Variants in PCDHGB5 observed in about 807,000 individuals in gnomAD.
PCDHGB5 encodes the protein protocadherin gamma-B5.
Under a neutral mutation model 62.9 loss-of-function variants are expected in PCDHGB5, and 48 were observed. The observed-to-expected ratio is 0.76, with a 90% confidence interval of 0.61 to 0.97. PCDHGB5 has a LOEUF of 0.97. PCDHGB5 is among the 50% of genes least tolerant of loss of function. The probability of loss-of-function intolerance (pLI) is 0.00; values close to 1 mark genes in which losing one functional copy is unlikely to be tolerated. For missense variants in PCDHGB5, 1,118 were observed against 1,198.6 expected (o/e 0.93, Z 0.99); for synonymous variants, 474 against 511.2 (o/e 0.93, Z 0.98).
intron 1 of PCDHGB5, chr5:141,428,729 A>T (rs1362138016): frequency 6.3e-6 from 1 of 159,768 alleles, no homozygotes; most frequent in East Asian, 1.8e-4. Flanking sequence ...AATCTTAAAC[A>T]TATTATATCT....
In PCDHGB5 at chr5:141,485,433, A is replaced by G. The variant is rs2099613324; in HGVS notation, c.2398-9374A>G. On this transcript the variant is annotated intron_variant, in intron 1 of 3. Transcript: ENST00000617380. The surrounding 1 kb of genome is among the most constrained non-coding windows in gnomAD (Gnocchi z 5.7). The stretch of plus-strand genomic sequence containing the variant: ...TTGGACAGCGGAGCCCTGCTCATCA[A>G]GAACCCAATCGACCGAGAGGCACTG... 6 of 1,614,208 alleles carry G rather than the reference A, an allele frequency of 3.7e-6. No homozygotes were observed. Among genetic ancestry groups the G allele is most frequent in the Non-Finnish European group, 5.1e-6 (6 of 1,180,030 alleles).
Position 141,431,581 on chromosome 5 carries a change from T to C in PCDHGB5, c.2397+31057T>C. The C allele has an allele frequency of 1.2e-6, 2 of 1,614,160 alleles. No individual in the cohort carries two copies. Among genetic ancestry groups the C allele is most frequent in the Non-Finnish European group, 1.7e-6 (2 of 1,180,022 alleles). ...CTACCGACCCTGACGAAGGAGTCAA[T>C]GCGGAAGTGAGGTATTCCTTCCGGT... On this transcript the variant is annotated intron_variant, in intron 1 of 3. Transcript: ENST00000617380. This position sits in a 1 kb window ranked among gnomAD's most constrained non-coding sequence, Gnocchi z 4.8.
intron 1 of PCDHGB5, chr5:141,428,270 C>T (rs1353416356): frequency 1.3e-6 from 1 of 778,952 alleles, no homozygotes. Flanking sequence ...AGTCCTGTGC[C>T]CTCTGATTCC....
intron 1 of PCDHGB5, chr5:141,419,181 A>T (rs769321564): frequency 1.9e-6 from 3 of 1,613,858 alleles, no homozygotes; most frequent in Admixed American, 3.3e-5. Flanking sequence ...ATAACCCTGC[A>T]CATTACTGAC....
chr5:141,408,461 A>G, intron 1 of PCDHGB5: 4 of 1,614,044 alleles, frequency 2.5e-6, no homozygotes, highest in Non-Finnish European at 3.4e-6. Context: ...CTTACTTGTG[A>G]AGAACCGAAT....
At chr5:141,445,268 C>A (rs2098461653) in intron 1 of PCDHGB5, among the ~76,000 whole-genome samples, 1 of 152,170 alleles carries the variant, frequency 6.6e-6, no homozygotes, top group Non-Finnish European at 1.5e-5. Flanking sequence ...TAAGTCGAAA[C>A]CACTCTGCAT....
intron 3 of PCDHGB5, among the ~76,000 whole-genome samples, chr5:141,509,776 C>T (rs898626809): frequency 7.2e-5 from 11 of 152,140 alleles, no homozygotes; most frequent in African/African-American, 9.7e-5. Context: ...GTCTAGTCCC[C>T]GAGATCATCA....
intron 1 of PCDHGB5, among the ~76,000 whole-genome samples, chr5:141,479,846 C>A (rs1350909064): frequency 1.3e-5 from 2 of 152,194 alleles, no homozygotes; most frequent in Admixed American, 6.5e-5. Context: ...TGCAAGGTGA[C>A]TGCAAGGCCT....
chr5:141,509,207 A>C (rs1263006059), intron 3 of PCDHGB5, among the ~76,000 whole-genome samples: 2 of 151,694 alleles, frequency 1.3e-5, no homozygotes, highest in Non-Finnish European at 2.9e-5. Context: ...CTGTCTCTCT[A>C]TTTCTCAATC....
At chr5:141,412,814 C>CAT (rs1339609844) in intron 1 of PCDHGB5, among the ~76,000 whole-genome samples, 1 of 152,180 alleles carries the variant, frequency 6.6e-6, no homozygotes, top group Non-Finnish European at 1.5e-5. Context: ...AAGAAACCTA[C>CAT]ATATAGTAAA....
Position 141,399,632 on chromosome 5 carries a change from C to G in PCDHGB5, c.1505C>G (p.Ser502Cys). The G allele has an allele frequency of 6.2e-7, 1 of 1,613,894 alleles. No homozygotes were observed. Among genetic ancestry groups the G allele is most frequent in the Non-Finnish European group, 8.5e-7 (1 of 1,179,890 alleles). The change falls in exon 1 of 4, where the codon TCC becomes TGC. Residue 502 changes from serine (S) to cysteine (C), a missense_variant. By Grantham distance (112) the Ser-to-Cys change is moderately radical (BLOSUM62 -1). Coordinates refer to ENST00000617380, the MANE Select transcript of PCDHGB5 (RefSeq NM_018925.3). ...CCTCTGGCACTGGCCTCTTACGTGT[C>G]CATGAGCGCGCAAAGTGGGGTGGTG... ...LEPLALASYV[S>C]MSAQSGVVFA...
intron 1 of PCDHGB5, chr5:141,404,548 G>C (rs761765539): frequency 1.2e-5 from 20 of 1,613,740 alleles, no homozygotes. Context: ...AAATGCAGGT[G>C]ACGGCAAGTG....
At position 141,508,670 on chromosome 5, in the gene PCDHGB5, C is replaced by A. The variant is rs184838473; in HGVS notation, c.2546-2277C>A. The stretch of plus-strand genomic sequence containing the variant: ...GGCCCTTCCTGTCATTCTGTCTCTG[C>A]CTCCCTTCTCCCTGCTTCTCCGTGT... On this transcript the variant is annotated intron_variant, in intron 3 of 3. Coordinates refer to ENST00000617380, the MANE Select transcript of PCDHGB5 (RefSeq NM_018925.3). Among the ~76,000 whole-genome samples the A allele has an allele frequency of 3.7e-3, 564 of 152,202 alleles. 5 individuals are homozygous for A. The highest frequency in any genetic ancestry group is 0.011 in the Admixed American group (164 of 15,294).
rs2099883627 is a variant in PCDHGB5, at chr5:141,511,136, G to A, written c.2735G>A (p.Gly912Asp). 4.3e-6 allele frequency: 7 copies of A among 1,614,194 alleles called. No homozygotes were observed. The East Asian group carries it at 1.6e-4, about 36-fold the overall frequency. The change falls in exon 4 of 4, where the codon GGC (glycine) becomes GAC (aspartate). Residue 912 changes from glycine (G) to aspartate (D), a missense_variant. Physicochemically the swap from Gly to Asp is moderately conservative, Grantham distance 94. This residue lies in a region of PCDHGB5 where 1,034 missense variants were observed against 1,029.1 expected (regional missense o/e 1.00). Coordinates refer to ENST00000617380, the MANE Select transcript of PCDHGB5 (RefSeq NM_018925.3). ...GGCAAGGCCCCAGCAGGTGGCAATG[G>A]CAACAAGAAGAAGTCGGGCAAGAAG... Reference protein sequence around the residue: ...RDGKAPAGGNGNKKKSGKKEK... With the variant: ...RDGKAPAGGNDNKKKSGKKEK...
chr5:141,417,859 GAT>G, intron 1 of PCDHGB5: 1 of 1,548,208 alleles, frequency 6.5e-7, no homozygotes, highest in Middle Eastern at 1.7e-4. Context: ...CCGAGCGAAC[GAT>G]GGGAGGGAGC....
chr5:141,434,789 T>C (rs2097718008), intron 1 of PCDHGB5, among the ~76,000 whole-genome samples: 1 of 152,008 alleles, frequency 6.6e-6, no homozygotes, highest in African/African-American at 2.4e-5. Context: ...AAAAAATTTT[T>C]TTTTCTGAGC....
intron 1 of PCDHGB5, among the ~76,000 whole-genome samples, chr5:141,448,214 G>A (rs2098576063): frequency 6.6e-6 from 1 of 152,092 alleles, no homozygotes; most frequent in Non-Finnish European, 1.5e-5. Context: ...CTGTGTGTAT[G>A]CGAATGTATG....
chr5:141,422,969 G>C (rs1269760845), intron 1 of PCDHGB5: 2 of 1,614,202 alleles, frequency 1.2e-6, no homozygotes, highest in South Asian at 2.2e-5. Flanking sequence ...CTGGCGCCCC[G>C]CTCTGCGGAA....
chr5:141,490,419 G>T lies in PCDHGB5; in HGVS notation c.2398-4388G>T, dbSNP rs1424302713. ...TGAGCCTTGATATCTCTCCGGACCT[G>T]CCATTTCAGATTAAGCCTTCTGAGA... is the stretch of plus-strand genomic sequence containing the variant. On this transcript the variant is annotated intron_variant, in intron 1 of 3. Transcript: ENST00000617380. The surrounding 1 kb of genome is among the most constrained non-coding windows in gnomAD (Gnocchi z 5.4). The T allele has an allele frequency of 6.2e-7, 1 of 1,614,170 alleles. No homozygotes were observed. The highest frequency in any genetic ancestry group is 8.5e-7 in the Non-Finnish European group (1 of 1,180,020).
Sources: allele counts gnomAD v4.1 joint callset (sites outside exome capture counted in the v4.1 genomes callset), GRCh38; gene constraint gnomAD v4.1.1; regional missense constraint gnomAD v4.1.1; non-coding constraint Gnocchi (gnomAD v3.1); transcripts MANE v1.5; gene names NCBI Gene and HGNC (gene_info 2026-07-23, HGNC 2026-07-21).